The following DIAPH2 variants were observed in gnomAD, a reference collection of about 807,000 sequenced individuals.
The protein encoded by DIAPH2 is protein diaphanous homolog 2.
Under a neutral mutation model 92.7 loss-of-function variants are expected in DIAPH2, and 35 were observed. The ratio of observed to expected loss-of-function variants is 0.38; its 90% CI spans 0.29 to 0.50. DIAPH2 has a LOEUF of 0.50. DIAPH2 is among the 20% of genes least tolerant of loss of function. The pLI is 0.94. For synonymous variants in DIAPH2, 301 were observed against 280.4 expected (o/e 1.07, Z -0.73); for missense variants, 701 against 819.5 (o/e 0.86, Z 1.77).
chrX:97,547,558 C>A (rs983890079), intron 26 of DIAPH2, among the ~76,000 whole-genome samples: 3 of 112,282 alleles, frequency 2.7e-5, no homozygotes, highest in Non-Finnish European at 5.6e-5. Flanking sequence ...GACCAGCATA[C>A]CTCTTACTTT....
intron 3 of DIAPH2, among the ~76,000 whole-genome samples, chrX:96,740,801 C>T (rs2064114436): frequency 9.0e-6 from 1 of 111,256 alleles, no homozygotes; most frequent in Admixed American, 9.6e-5. Flanking sequence ...GATTTGGACA[C>T]AGAGTTCTTT....
chrX:96,844,690 T>C (rs2064959685), intron 4 of DIAPH2, among the ~76,000 whole-genome samples: 1 of 112,312 alleles, frequency 8.9e-6, no homozygotes, highest in South Asian at 3.6e-4. Context: ...TTCCGTTTCA[T>C]ATATTTTTGT....
intron 23 of DIAPH2, among the ~76,000 whole-genome samples, chrX:97,318,223 C>T (rs2147649109): frequency 9.0e-6 from 1 of 110,926 alleles, no homozygotes; most frequent in African/African-American, 3.3e-5. Flanking sequence ...ACTGCAACTT[C>T]CGCCTCCCAG....
intron 4 of DIAPH2, among the ~76,000 whole-genome samples, chrX:96,848,794 G>A (rs1464837262): frequency 8.9e-6 from 1 of 112,031 alleles, no homozygotes; most frequent in Non-Finnish European, 1.9e-5. Context: ...AATTGAGGAG[G>A]ATCATGATAA....
At chrX:96,724,699 T>G (rs2064010534) in intron 1 of DIAPH2, among the ~76,000 whole-genome samples, 1 of 112,129 alleles carries the variant, frequency 8.9e-6, no homozygotes, top group African/African-American at 3.2e-5. Flanking sequence ...ATTGATTATA[T>G]AAAATACATC....
chrX:97,383,955 C>A lies in DIAPH2; in HGVS notation c.3056C>A (p.Thr1019Asn). ...AAGAGAAGAGAAATGGAAGAGAAGA[C>A]CAGGAGGGCAAAACTTGCAAAAGAG... ...NNKRREMEEK[T>N]RRAKLAKEKA... Residue 1019 changes from threonine to asparagine, a missense_variant, in exon 25 of 27, where the codon ACC (threonine) becomes AAC (asparagine). Thr to Asn is a moderately conservative substitution (Grantham distance 65). This residue lies in a region of DIAPH2 where 536 missense variants were observed against 599.3 expected (regional missense o/e 0.89). Coordinates refer to ENST00000324765, the MANE Select transcript of DIAPH2 (RefSeq NM_006729.5). 1.7e-6 allele frequency: 2 copies of A among 1,201,365 alleles called. No individual in the cohort carries two copies. Among genetic ancestry groups the A allele is most frequent in the African/African-American group, 1.8e-5 (1 of 56,598 alleles).
intron 13 of DIAPH2, 39 bp from the exon 14 acceptor site, chrX:96,945,488 A>G: frequency 9.4e-7 from 1 of 1,059,131 alleles, no homozygotes; most frequent in Non-Finnish European, 1.3e-6. Flanking sequence ...TAGTGATCTC[A>G]TGCCATAATT....
intron 17 of DIAPH2, among the ~76,000 whole-genome samples, chrX:96,988,154 G>A (rs2066044797): frequency 9.2e-6 from 1 of 109,073 alleles, no homozygotes; most frequent in South Asian, 4.0e-4. Context: ...ATATAGCTGT[G>A]ATTAAGGCGA....
intron 7 of DIAPH2, 93 bp downstream of exon 7, chrX:96,912,645 T>C: frequency 1.0e-6 from 1 of 993,766 alleles, no homozygotes; most frequent in Non-Finnish European, 1.3e-6. Flanking sequence ...TTTTTATTAT[T>C]TTTTTTAATT....
Position 96,965,127 on chromosome X carries a change from G to T in DIAPH2, c.1970G>T (p.Trp657Leu). The change falls in exon 17 of 27, where the codon TGG becomes TTG. Residue 657 changes from tryptophan to leucine, a missense_variant. Trp to Leu is a moderately conservative substitution (Grantham distance 61). This residue lies in a region of DIAPH2 where 536 missense variants were observed against 599.3 expected (regional missense o/e 0.89). Coordinates refer to ENST00000324765, the MANE Select transcript of DIAPH2 (RefSeq NM_006729.5). ...ACAGAATTATCTGAGAACTGTTTCT[G>T]GTTAAGAGTCAAAGAAGACAAGTTT... ...EPTELSENCF[W>L]LRVKEDKFEN... 8.4e-7 allele frequency: 1 copy of T among 1,195,654 alleles called. No individual in the cohort carries two copies. Among genetic ancestry groups the T allele is most frequent in the South Asian group, 1.8e-5 (1 of 54,354 alleles).
At chrX:96,840,291 T>G (rs2064926884) in intron 4 of DIAPH2, among the ~76,000 whole-genome samples, 1 of 111,845 alleles carries the variant, frequency 8.9e-6, no homozygotes, top group South Asian at 3.8e-4. Context: ...ACACTGTGAA[T>G]AGTGCTATTG....
chrX:96,872,677 A>G (rs2065152008), intron 4 of DIAPH2, among the ~76,000 whole-genome samples: 1 of 108,718 alleles, frequency 9.2e-6, no homozygotes, highest in Admixed American at 9.9e-5. Flanking sequence ...TATTTTTAGT[A>G]GAGGCGGGGT....
At position 97,600,587 on chromosome X, in the gene DIAPH2, G is replaced by A. The variant is rs913314256; in HGVS notation, c.*1270G>A. Reference sequence around the variant, plus strand: ...CTACATTTTTCTTAAATAAATTAGGGAGTAAAAGTTATACTTAACTTGTCT... The same window carrying A: ...CTACATTTTTCTTAAATAAATTAGGAAGTAAAAGTTATACTTAACTTGTCT... On this transcript the variant is annotated 3_prime_UTR_variant, in exon 27 of 27. Coordinates refer to ENST00000324765, the MANE Select transcript of DIAPH2 (RefSeq NM_006729.5). 4 of 112,164 alleles carry A rather than the reference G, an allele frequency of 3.6e-5. No homozygotes were observed. Among genetic ancestry groups the A allele is most frequent in the African/African-American group, 1.3e-4 (4 of 30,807 alleles). 9.2% of individuals were successfully genotyped at this position (112,164 alleles called of 1,213,427 possible).
intron 5 of DIAPH2, among the ~76,000 whole-genome samples, chrX:96,906,449 A>T (rs979927519): frequency 2.0e-4 from 23 of 112,371 alleles, no homozygotes; most frequent in African/African-American, 7.4e-4. Flanking sequence ...CAACATTCAG[A>T]TTTTTGGTTT....
At chrX:97,108,873 C>T (rs186761029) in intron 20 of DIAPH2, among the ~76,000 whole-genome samples, 2 of 111,173 alleles carry the variant, frequency 1.8e-5, no homozygotes, top group African/African-American at 6.5e-5. Context: ...AGAAATTTTA[C>T]GTTGGGTTTG....
At chrX:97,267,823 G>A (rs140935844) in intron 23 of DIAPH2, among the ~76,000 whole-genome samples, 2,561 of 111,310 alleles carry the variant, frequency 0.023, 29 homozygotes, top group Middle Eastern at 0.042. Context: ...ATTTCCTTTT[G>A]TAGAATAGTA....
intron 4 of DIAPH2, among the ~76,000 whole-genome samples, chrX:96,876,266 G>T (rs1306839062): frequency 9.0e-6 from 1 of 111,597 alleles, no homozygotes; most frequent in Non-Finnish European, 1.9e-5. Context: ...AACAACAGGT[G>T]CTGGAGAGGA....
intron 20 of DIAPH2, among the ~76,000 whole-genome samples, chrX:97,110,976 C>T (rs1315951665): frequency 9.5e-6 from 1 of 105,215 alleles, no homozygotes; most frequent in Middle Eastern, 4.5e-3. Context: ...GAACGAGACT[C>T]CGTCTCAAAA....
chrX:97,335,685 G>A (rs184199411), intron 23 of DIAPH2, among the ~76,000 whole-genome samples: 1 of 111,722 alleles, frequency 9.0e-6, no homozygotes, highest in African/African-American at 3.2e-5. Flanking sequence ...TTTACATACT[G>A]CATACTCTTC....
Sources: gnomAD v4.1 joint callset for allele counts (sites outside exome capture counted in the v4.1 genomes callset) on GRCh38, gnomAD v4.1.1 for gene constraint, gnomAD v4.1.1 regional missense constraint, MANE v1.5 for transcripts, NCBI Gene and HGNC (gene_info 2026-07-23, HGNC 2026-07-21) for gene names.